Variants in DLG2 observed in about 807,000 individuals in gnomAD.
DLG2 encodes discs large MAGUK scaffold protein 2.
DLG2 carries 45 observed loss-of-function variants against 132.5 expected under a neutral mutation model. That is an observed-to-expected ratio of 0.34 (90% CI 0.27 to 0.44). The LOEUF (loss-of-function observed/expected upper bound fraction) is 0.44, where lower values mean the gene tolerates loss of function less well. Among genes scored for constraint, DLG2 ranks in the 20% least tolerant of loss-of-function variants. DLG2 has a pLI of 1.00. For synonymous variants in DLG2, 424 were observed against 419.6 expected (o/e 1.01, Z -0.13); for missense variants, 1,045 against 1,196.9 (o/e 0.87, Z 1.87).
intron 5 of DLG2, among the ~76,000 whole-genome samples, chr11:85,143,275 G>A (rs1594792218): frequency 6.6e-6 from 1 of 151,660 alleles, no homozygotes; most frequent in East Asian, 1.9e-4. Flanking sequence ...GTTGAATCTT[G>A]GTAGGTTGTA....
At chr11:84,766,994 G>A (rs547663633) in intron 6 of DLG2, among the ~76,000 whole-genome samples, 12 of 152,074 alleles carry the variant, frequency 7.9e-5, no homozygotes, top group Admixed American at 2.0e-4. Flanking sequence ...TTACACACCC[G>A]GATTTGAATC....
chr11:85,323,458 T>A (rs1040564187), intron 3 of DLG2, among the ~76,000 whole-genome samples: 3 of 152,270 alleles, frequency 2.0e-5, no homozygotes, highest in Admixed American at 6.5e-5. Context: ...TAAATGAAAT[T>A]AGAATATCTA....
chr11:84,776,691 C>T (rs1372759540), intron 6 of DLG2, among the ~76,000 whole-genome samples: 1 of 152,050 alleles, frequency 6.6e-6, no homozygotes, highest in Non-Finnish European at 1.5e-5. Context: ...TTTGAGTTAA[C>T]ATAATCCATT....
At chr11:83,491,155 T>TG (rs1358001819) in intron 21 of DLG2, among the ~76,000 whole-genome samples, 6 of 151,168 alleles carry the variant, frequency 4.0e-5, no homozygotes, top group African/African-American at 1.5e-4. Flanking sequence ...TGTTTTTTTT[T>TG]TTTTGTTACT....
rs566944442 is a variant in DLG2, at chr11:84,629,365, T to C, written c.358-94634A>G. Among the ~76,000 whole-genome samples the C allele has an allele frequency of 2.6e-5, 4 of 152,282 alleles. No homozygotes were observed. The East Asian group carries it at 7.7e-4, about 29-fold the overall frequency. ...CCTTTTTTTGTTGTTTTTATTCACA[T>C]GTAATTGTAAAAACCAACCTGCTTT... On this transcript the variant is annotated intron_variant, in intron 6 of 27. Transcript: ENST00000376104.
chr11:84,885,131 T>C (rs188187742), intron 6 of DLG2, among the ~76,000 whole-genome samples: 1 of 152,146 alleles, frequency 6.6e-6, no homozygotes, highest in Non-Finnish European at 1.5e-5. Context: ...TGAGGACTAC[T>C]GTAAAATGGA....
chr11:84,298,481 C>T (rs774279715), intron 7 of DLG2, among the ~76,000 whole-genome samples: 1 of 152,112 alleles, frequency 6.6e-6, no homozygotes, highest in South Asian at 2.1e-4. Context: ...CACTGTTCCA[C>T]CTCTACCAAT....
At chr11:85,194,276 G>A (rs1317663169) in intron 4 of DLG2, among the ~76,000 whole-genome samples, 2 of 152,158 alleles carry the variant, frequency 1.3e-5, no homozygotes, top group African/African-American at 4.8e-5. Flanking sequence ...TTTCTCGTAA[G>A]AAGTCCTTTC....
rs115520717 is a variant in DLG2 at position 84,201,345 on chromosome 11, G to A, written c.574-37834C>T. On this transcript the variant is annotated intron_variant, in intron 8 of 27. Transcript: ENST00000376104. ...TTGGATGTGCTGCTGGATTTGGTTTGCTAGTACTTTATTGAGGTTTTTGCA... is the reference window on the plus strand; with the variant it reads ...TTGGATGTGCTGCTGGATTTGGTTTACTAGTACTTTATTGAGGTTTTTGCA... Among the ~76,000 whole-genome samples the A allele has an allele frequency of 9.4e-3, 1,431 of 152,248 alleles. 11 individuals are homozygous for A. The highest frequency in any genetic ancestry group is 0.031 in the African/African-American group (1,304 of 41,526).
intron 6 of DLG2, among the ~76,000 whole-genome samples, chr11:84,561,518 T>C (rs1424191076): frequency 6.6e-6 from 1 of 152,156 alleles, no homozygotes; most frequent in Non-Finnish European, 1.5e-5. Flanking sequence ...TACTTATAAG[T>C]CTGACTTGCC....
intron 9 of DLG2, among the ~76,000 whole-genome samples, chr11:84,131,878 G>C (rs757567397): frequency 1.5e-4 from 23 of 151,426 alleles, no homozygotes; most frequent in Non-Finnish European, 3.2e-4. Flanking sequence ...AAAACTGGAT[G>C]CATTATCATG....
intron 14 of DLG2, among the ~76,000 whole-genome samples, chr11:83,945,004 T>C (rs925802190): frequency 6.6e-6 from 1 of 152,216 alleles, no homozygotes; most frequent in Non-Finnish European, 1.5e-5. Flanking sequence ...GGTTGAATTC[T>C]AGATTATTAC....
chr11:85,453,810 G>C (rs1308905058), intron 3 of DLG2: 1 of 151,998 alleles, frequency 6.6e-6, no homozygotes, highest in Non-Finnish European at 1.5e-5. Flanking sequence ...TGGGTTTAGG[G>C]GTACATGCAC....
chr11:83,969,228 T>C (rs897797873), intron 12 of DLG2, among the ~76,000 whole-genome samples: 3 of 151,878 alleles, frequency 2.0e-5, no homozygotes, highest in African/African-American at 7.3e-5. Flanking sequence ...GAGATGAAAA[T>C]GAGATTATAT....
chr11:84,534,597 G>A lies in DLG2; in HGVS notation c.492C>T (p.Val164=), dbSNP rs762066905. ...LSQIENVHGY[V]LQSHISPLKA... Reference sequence around the variant, plus strand: ...TCAGAGGAGAAATATGAGACTGCAAGACATATCCATGGACATTTTCTATTT... The same window carrying A: ...TCAGAGGAGAAATATGAGACTGCAAAACATATCCATGGACATTTTCTATTT... Residue 164 remains valine (V), a synonymous_variant, in exon 7 of 28, where the codon GTC becomes GTT. Transcript: ENST00000376104. 3 of 1,614,000 alleles carry A rather than the reference G, an allele frequency of 1.9e-6. No individual in the cohort carries two copies. Among genetic ancestry groups the A allele is most frequent in the South Asian group, 2.2e-5 (2 of 91,078 alleles).
intron 3 of DLG2, among the ~76,000 whole-genome samples, chr11:85,483,680 A>C (rs902650558): frequency 1.3e-5 from 2 of 152,104 alleles, no homozygotes; most frequent in African/African-American, 4.8e-5. Context: ...GTGGTGGCTC[A>C]CACCTATAAT....
intron 6 of DLG2, among the ~76,000 whole-genome samples, chr11:84,737,945 G>A (rs935413537): frequency 3.9e-5 from 6 of 152,016 alleles, no homozygotes; most frequent in African/African-American, 1.4e-4. Context: ...ATACGTGTGG[G>A]ATGGAGGAGG....
intron 3 of DLG2, among the ~76,000 whole-genome samples, chr11:85,328,679 G>A (rs2081537520): frequency 6.6e-6 from 1 of 150,702 alleles, no homozygotes; most frequent in East Asian, 2.0e-4. Context: ...TACTGAATGG[G>A]CAAAAACTGG....
chr11:83,801,080 A>C (rs1478869119), intron 17 of DLG2, among the ~76,000 whole-genome samples: 1 of 152,194 alleles, frequency 6.6e-6, no homozygotes, highest in Non-Finnish European at 1.5e-5. Flanking sequence ...CATTTTCAGC[A>C]AACAGTACTA....
Sources: gnomAD v4.1 joint callset for allele counts (sites outside exome capture counted in the v4.1 genomes callset) on GRCh38, gnomAD v4.1.1 for gene constraint, MANE v1.5 for transcripts, NCBI Gene and HGNC (gene_info 2026-07-23, HGNC 2026-07-21) for gene names.